VAV3: variants seen among roughly 807,000 people sequenced by gnomAD.
VAV3 encodes guanine nucleotide exchange factor VAV3.
VAV3 carries 94 observed loss-of-function variants against 131.2 expected under a neutral mutation model. That is an observed-to-expected ratio of 0.72 (90% CI 0.61 to 0.85). The LOEUF is 0.85. Among genes scored for constraint, VAV3 ranks in the 40% least tolerant of loss-of-function variants. The pLI, the probability that VAV3 is intolerant of heterozygous loss-of-function variation, is 0.00. For synonymous variants in VAV3, 349 were observed against 342.0 expected (o/e 1.02, Z -0.22); for missense variants, 939 against 1,002.7 (o/e 0.94, Z 0.86).
intron 2 of VAV3, among the ~76,000 whole-genome samples, chr1:107,850,562 G>A (rs1669170582): frequency 6.6e-6 from 1 of 151,392 alleles, no homozygotes; most frequent in Non-Finnish European, 1.5e-5. Context: ...CACACATCAG[G>A]GCCTGTCGAG....
intron 15 of VAV3, among the ~76,000 whole-genome samples, chr1:107,738,460 G>T (rs1292175134): frequency 1.3e-5 from 2 of 152,038 alleles, no homozygotes; most frequent in African/African-American, 4.8e-5. Flanking sequence ...ACACTTCCTG[G>T]GCATGTATTG....
At chr1:107,710,596 A>G (rs1338557487) in intron 15 of VAV3, among the ~76,000 whole-genome samples, 1 of 152,222 alleles carries the variant, frequency 6.6e-6, no homozygotes, top group East Asian at 1.9e-4. Flanking sequence ...TTTCTCCATG[A>G]TACAACAAGT....
chr1:107,927,002 A>G (rs1427263321), intron 1 of VAV3, among the ~76,000 whole-genome samples: 2 of 152,148 alleles, frequency 1.3e-5, no homozygotes, highest in Non-Finnish European at 2.9e-5. Context: ...CCCCTCCCCT[A>G]ACCCCATGCT....
At position 107,751,040 on chromosome 1, in the gene VAV3, G is replaced by GA. The variant is rs1236405248; in HGVS notation, c.1259+76dup. On this transcript the variant is annotated intron_variant, in intron 13 of 26. Coordinates refer to ENST00000370056, the MANE Select transcript of VAV3 (RefSeq NM_006113.5). ...CCTTTTTTCCCCCTACTTCACACTG[G>GA]AAAAATTGTCTTTAAGGTTTTCTCA... 3.6e-6 allele frequency: 5 copies of GA among 1,407,850 alleles called. No individual in the cohort carries two copies. In the African/African-American group the frequency reaches 7.3e-5, roughly 21 times the overall value. 87.2% of individuals were successfully genotyped at this position (1,407,850 alleles called of 1,614,324 possible).
intron 1 of VAV3, among the ~76,000 whole-genome samples, chr1:107,944,469 T>C (rs74109685): frequency 2.7e-4 from 41 of 152,312 alleles, no homozygotes; most frequent in African/African-American, 9.4e-4. Context: ...TCCTCCAAAA[T>C]ATACCTCTCT....
At chr1:107,863,741 TAGAG>T (rs1669853582) in intron 2 of VAV3, among the ~76,000 whole-genome samples, 1 of 152,164 alleles carries the variant, frequency 6.6e-6, no homozygotes, top group Non-Finnish European at 1.5e-5. Context: ...AGGAAGGAAA[TAGAG>T]TTTTTTTAAA....
chr1:107,794,171 G>A (rs1002171657), intron 2 of VAV3, among the ~76,000 whole-genome samples: 1 of 152,252 alleles, frequency 6.6e-6, no homozygotes, highest in South Asian at 2.1e-4. Context: ...AGTAGGACAT[G>A]CCACATCAAG....
intron 1 of VAV3, among the ~76,000 whole-genome samples, chr1:107,920,225 G>T (rs1015211518): frequency 1.3e-5 from 2 of 152,142 alleles, no homozygotes; most frequent in African/African-American, 2.4e-5. Flanking sequence ...GATAAAACGG[G>T]AACAGTACTG....
intron 15 of VAV3, among the ~76,000 whole-genome samples, chr1:107,729,305 A>G (rs927758934): frequency 3.3e-5 from 5 of 152,212 alleles, no homozygotes; most frequent in Admixed American, 6.5e-5. Context: ...CATTCTGACC[A>G]ACAAGTCATT....
chr1:107,628,330 G>A (rs909650415), intron 20 of VAV3, among the ~76,000 whole-genome samples: 1 of 152,140 alleles, frequency 6.6e-6, no homozygotes, highest in Admixed American at 6.5e-5. Flanking sequence ...AGTCCTGTGG[G>A]AAGTAAAAAT....
chr1:107,731,409 C>G (rs1348812003), intron 15 of VAV3, among the ~76,000 whole-genome samples: 4 of 152,080 alleles, frequency 2.6e-5, no homozygotes, highest in South Asian at 2.1e-4. Flanking sequence ...AATTAAGTTT[C>G]TTTTCATTTA....
At position 107,882,826 on chromosome 1, in the gene VAV3, A is replaced by G. The variant is rs140044468; in HGVS notation, c.205-7809T>C. Among the ~76,000 whole-genome samples the G allele has an allele frequency of 5.4e-3, 825 of 152,322 alleles. 4 individuals are homozygous for G. The highest frequency in any genetic ancestry group is 0.01 in the Admixed American group (159 of 15,294). ...CTTCAAATATCCCCTGAATTACAAA[A>G]TAAGTATGCTACATGTGGTATCAGT... is the stretch of plus-strand genomic sequence containing the variant. On this transcript the variant is annotated intron_variant, in intron 1 of 26. Coordinates refer to ENST00000370056, the MANE Select transcript of VAV3 (RefSeq NM_006113.5).
intron 1 of VAV3, among the ~76,000 whole-genome samples, chr1:107,942,610 T>C (rs1488566392): frequency 6.6e-6 from 1 of 152,172 alleles, no homozygotes; most frequent in African/African-American, 2.4e-5. Flanking sequence ...AATGTGAACA[T>C]TTCTCCTAGC....
chr1:107,943,250 G>A (rs1025765045), intron 1 of VAV3, among the ~76,000 whole-genome samples: 16 of 152,064 alleles, frequency 1.1e-4, no homozygotes, highest in African/African-American at 1.7e-4. Flanking sequence ...TTTGATATAC[G>A]TATACAGAGG....
chr1:107,714,931 A>C (rs1661005477), intron 15 of VAV3, among the ~76,000 whole-genome samples: 1 of 152,176 alleles, frequency 6.6e-6, no homozygotes, highest in Non-Finnish European at 1.5e-5. Flanking sequence ...TAGTAATTTT[A>C]AATATACATC....
At chr1:107,780,869 T>G (rs1557842856) in intron 2 of VAV3, among the ~76,000 whole-genome samples, 1 of 152,182 alleles carries the variant, frequency 6.6e-6, no homozygotes. Flanking sequence ...CTCAAAATTT[T>G]AACAAACACA....
At chr1:107,729,563 G>T (rs761207536) in intron 15 of VAV3, among the ~76,000 whole-genome samples, 9 of 152,132 alleles carry the variant, frequency 5.9e-5, no homozygotes, top group Admixed American at 3.9e-4. Context: ...GCACTGAAGG[G>T]GCATGGGTAC....
At chr1:107,892,091 C>T (rs950066423) in intron 1 of VAV3, among the ~76,000 whole-genome samples, 2 of 152,030 alleles carry the variant, frequency 1.3e-5, no homozygotes, top group African/African-American at 4.8e-5. Context: ...AATTATAAAT[C>T]ATGAAATACA....
intron 19 of VAV3, among the ~76,000 whole-genome samples, chr1:107,660,040 T>G (rs546834960): frequency 1.5e-4 from 23 of 152,328 alleles, no homozygotes; most frequent in Admixed American, 3.3e-4. Flanking sequence ...CTCCTACAAC[T>G]GAAATGAAAA....
Sources: allele counts gnomAD v4.1 joint callset (sites outside exome capture counted in the v4.1 genomes callset), GRCh38; gene constraint gnomAD v4.1.1; transcripts MANE v1.5; gene names NCBI Gene and HGNC (gene_info 2026-07-23, HGNC 2026-07-21).